Variants in SPRYD3 observed in about 807,000 individuals in gnomAD.
SPRYD3 encodes the protein SPRY domain containing 3.
SPRYD3 carries 17 observed loss-of-function variants against 50.1 expected under a neutral mutation model. The observed-to-expected ratio is 0.34, with a 90% CI of 0.23 to 0.51. The LOEUF (loss-of-function observed/expected upper bound fraction) is 0.51, where lower values mean the gene tolerates loss of function less well. Among genes scored for constraint, SPRYD3 ranks in the 20% least tolerant of loss-of-function variants. SPRYD3 has a pLI of 0.97. For synonymous variants in SPRYD3, 198 were observed against 215.5 expected (o/e 0.92, Z 0.71); for missense variants, 401 against 591.2 (o/e 0.68, Z 3.34).
Position 53,064,695 on chromosome 12 carries a change from A to G in SPRYD3, c.*1137T>C. ...AGGGTGGGAAGCGAGGGCCAAAGGG[A>G]GGCCCAGCAGCACAACAGCTCACCC... On this transcript the variant is annotated 3_prime_UTR_variant, in exon 11 of 11. Coordinates refer to ENST00000301463, the MANE Select transcript of SPRYD3 (RefSeq NM_032840.3). 6.5e-6 allele frequency: 1 copy of G among 152,818 alleles called. No individual in the cohort carries two copies. Among genetic ancestry groups the G allele is most frequent in the Non-Finnish European group, 1.5e-5 (1 of 68,098 alleles). 9.5% of individuals were successfully genotyped at this position (152,818 alleles called of 1,614,324 possible). A position where few individuals can be genotyped will look rare whatever the true frequency, so the allele number is the denominator to read the frequency against.
rs1324329011 is a variant in SPRYD3 at position 53,064,720 on chromosome 12, C to G, written c.*1112G>C. 3 of 152,788 alleles carry G rather than the reference C, an allele frequency of 2.0e-5. No homozygotes were observed. Among genetic ancestry groups the G allele is most frequent in the Admixed American group, 1.3e-4 (2 of 15,286 alleles). 9.5% of individuals were successfully genotyped at this position (152,788 alleles called of 1,614,324 possible). A position where few individuals can be genotyped will look rare whatever the true frequency, so the allele number is the denominator to read the frequency against. ...AGGCCCAGCAGCACAACAGCTCACCCGCTTTCCCTACAGCCCTACCCGCTC... is the reference window on the plus strand; with the variant it reads ...AGGCCCAGCAGCACAACAGCTCACCGGCTTTCCCTACAGCCCTACCCGCTC... On this transcript the variant is annotated 3_prime_UTR_variant, in exon 11 of 11. Coordinates refer to ENST00000301463, the MANE Select transcript of SPRYD3 (RefSeq NM_032840.3).
chr12:53,069,730 C>G (rs1197814808), intron 6 of SPRYD3, among the ~76,000 whole-genome samples: 1 of 152,232 alleles, frequency 6.6e-6, no homozygotes, highest in African/African-American at 2.4e-5. Flanking sequence ...TCTGCTCAGC[C>G]TGGGTTCCTC....
At chr12:53,069,003 C>T (rs1222831830) in intron 6 of SPRYD3, among the ~76,000 whole-genome samples, 1 of 152,034 alleles carries the variant, frequency 6.6e-6, no homozygotes, top group Non-Finnish European at 1.5e-5. Flanking sequence ...CTTAGCTGTT[C>T]CCAGCCCCTC....
intron 6 of SPRYD3, among the ~76,000 whole-genome samples, chr12:53,071,715 G>A (rs1168270312): frequency 1.5e-5 from 2 of 136,108 alleles, no homozygotes; most frequent in Non-Finnish European, 3.1e-5. Flanking sequence ...CAGAGTGATA[G>A]CCTGTCTTAA....
chr12:53,070,372 T>G (rs1830172161), intron 6 of SPRYD3, among the ~76,000 whole-genome samples: 1 of 152,176 alleles, frequency 6.6e-6, no homozygotes, highest in African/African-American at 2.4e-5. Context: ...CCCTGACAGA[T>G]TCTTTCTTGA....
At chr12:53,068,550 T>C (rs1278435160) in intron 6 of SPRYD3, among the ~76,000 whole-genome samples, 1 of 152,114 alleles carries the variant, frequency 6.6e-6, no homozygotes, top group Admixed American at 6.5e-5. Context: ...CCACACACTT[T>C]CTGGGAGGCC....
intron 6 of SPRYD3, 30 bp downstream of exon 6, chr12:53,073,256 G>GGCCCCGGGGGGGGGGGGGGGGGGGGC: frequency 4.7e-6 from 2 of 424,130 alleles, no homozygotes; most frequent in Admixed American, 4.2e-5. Context: ...CTCCGACCCA[G>GGCCCCGGGGGGGGGGGGGGGGGGGGC]CCCCTCCCAC....
Position 53,074,497 on chromosome 12 carries a change from C to T in SPRYD3, c.507+152G>A. Reference sequence around the variant, plus strand: ...AGTATCTTCTCCTACACGCAAGAGACTTCAGGAGAATCTGAGGCTGGACTG... The same window carrying T: ...AGTATCTTCTCCTACACGCAAGAGATTTCAGGAGAATCTGAGGCTGGACTG... On this transcript the variant is annotated intron_variant, in intron 5 of 10. Coordinates refer to ENST00000301463, the MANE Select transcript of SPRYD3 (RefSeq NM_032840.3). The surrounding 1 kb of genome is among the most constrained non-coding windows in gnomAD (Gnocchi z 4.6). 1 of 942,664 alleles carries T rather than the reference C, an allele frequency of 1.1e-6. No individual in the cohort carries two copies. Among genetic ancestry groups the T allele is most frequent in the Non-Finnish European group, 1.7e-6 (1 of 604,398 alleles). 58.4% of individuals were successfully genotyped at this position (942,664 alleles called of 1,614,324 possible). A position where few individuals can be genotyped will look rare whatever the true frequency, so the allele number is the denominator to read the frequency against.
chr12:53,074,202 T>A lies in SPRYD3; in HGVS notation c.507+447A>T, dbSNP rs972336849. Among the ~76,000 whole-genome samples the A allele has an allele frequency of 2.0e-5, 3 of 152,046 alleles. No homozygotes were observed. Among genetic ancestry groups the A allele is most frequent in the Non-Finnish European group, 2.9e-5 (2 of 68,024 alleles). ...TCCCATCTCCTCACCACGCCTAGTC[T>A]CTCTACGAACAGGATAGTGAAAGAG... On this transcript the variant is annotated intron_variant, in intron 5 of 10. Coordinates refer to ENST00000301463, the MANE Select transcript of SPRYD3 (RefSeq NM_032840.3). The surrounding 1 kb of genome is among the most constrained non-coding windows in gnomAD (Gnocchi z 4.6).
rs1944502996 is a variant in SPRYD3 at position 53,066,115 on chromosome 12, A to G, written c.1195-149T>C. 3.0e-6 allele frequency: 4 copies of G among 1,355,026 alleles called. No homozygotes were observed. The East Asian group carries it at 9.2e-5, about 31-fold the overall frequency. 83.9% of individuals were successfully genotyped at this position (1,355,026 alleles called of 1,614,324 possible). On this transcript the variant is annotated intron_variant, in intron 10 of 10. Coordinates refer to ENST00000301463, the MANE Select transcript of SPRYD3 (RefSeq NM_032840.3). ...TAAGGTGTTATGGGAAGTGACCACC[A>G]GAGGGCGTGCTGAGGCCGGAAAACA...
At chr12:53,066,991 T>C (rs1944514299) in intron 8 of SPRYD3, among the ~76,000 whole-genome samples, 1 of 151,366 alleles carries the variant, frequency 6.6e-6, no homozygotes, top group Non-Finnish European at 1.5e-5. Context: ...CCGTCTGTAG[T>C]CCCAGCTACT....
rs1212041125 is a variant in SPRYD3 at position 53,076,935 on chromosome 12, C to T, written c.170+180G>A. Among the ~76,000 whole-genome samples the T allele has an allele frequency of 3.3e-5, 5 of 149,810 alleles. No homozygotes were observed. In the East Asian group the frequency reaches 7.8e-4, roughly 23 times the overall value. On this transcript the variant is annotated intron_variant, in intron 2 of 10. Coordinates refer to ENST00000301463, the MANE Select transcript of SPRYD3 (RefSeq NM_032840.3). ...CTGCACTGTAGCCTGGGTGACAGAGCGAGACTCTGTCTTAAAAAAAAAAAA... is the reference window on the plus strand; with the variant it reads ...CTGCACTGTAGCCTGGGTGACAGAGTGAGACTCTGTCTTAAAAAAAAAAAA...
At chr12:53,068,434 T>A in intron 6 of SPRYD3, 130 bp from the exon 7 acceptor site, 1 of 1,130,828 alleles carries the variant, frequency 8.8e-7, no homozygotes, top group Non-Finnish European at 1.3e-6. Context: ...GAAAGAATCC[T>A]AGAGATACAA....
chr12:53,076,660 G>A (rs901482383), intron 2 of SPRYD3, among the ~76,000 whole-genome samples: 5 of 152,220 alleles, frequency 3.3e-5, no homozygotes, highest in Non-Finnish European at 5.9e-5. Context: ...AGTGACAGAG[G>A]CAGAGGTGAG....
chr12:53,073,256 G>GGCCCCGGGGGGGGGGGGGGGCC, intron 6 of SPRYD3, 30 bp downstream of exon 6: 4 of 424,120 alleles, frequency 9.4e-6, no homozygotes, highest in Non-Finnish European at 1.8e-5. Flanking sequence ...CTCCGACCCA[G>GGCCCCGGGGGGGGGGGGGGGCC]CCCCTCCCAC....
intron 1 of SPRYD3, 26 bp from the exon 2 acceptor site, chr12:53,077,287 G>C (rs146983187): frequency 6.2e-7 from 1 of 1,613,646 alleles, no homozygotes; most frequent in East Asian, 2.2e-5. Context: ...GGGGATTGAG[G>C]AGAAAGCAGG....
At chr12:53,068,708 G>T (rs1944528494) in intron 6 of SPRYD3, among the ~76,000 whole-genome samples, 2 of 152,184 alleles carry the variant, frequency 1.3e-5, no homozygotes, top group Non-Finnish European at 2.9e-5. Flanking sequence ...CTAGCTGAGA[G>T]GAAACTTGAT....
chr12:53,073,573 G>GCA (rs1944565788), intron 5 of SPRYD3, 102 bp from the exon 6 acceptor site: 2 of 942,258 alleles, frequency 2.1e-6, no homozygotes, highest in Admixed American at 5.3e-5. Flanking sequence ...AGCCGGGCGT[G>GCA]GTGGCTCACG....
At chr12:53,073,097 C>T (rs981912152) in intron 6 of SPRYD3, 189 bp downstream of exon 6, 1 of 491,012 alleles carries the variant, frequency 2.0e-6, no homozygotes, top group Non-Finnish European at 3.6e-6. Flanking sequence ...GAAAAGAGAA[C>T]ATGTGCTAAA....
Sources: allele counts gnomAD v4.1 joint callset (sites outside exome capture counted in the v4.1 genomes callset), GRCh38; gene constraint gnomAD v4.1.1; non-coding constraint Gnocchi (gnomAD v3.1); transcripts MANE v1.5; gene names NCBI Gene and HGNC (gene_info 2026-07-23, HGNC 2026-07-21).